Variants in NDST4 observed in about 807,000 individuals in gnomAD.
NDST4 encodes the protein N-heparan sulfate sulfotransferase 4.
In NDST4, 63 loss-of-function variants were observed where a neutral mutation model predicts 100.8. That is an observed-to-expected ratio of 0.62 (90% CI 0.51 to 0.77). The LOEUF (loss-of-function observed/expected upper bound fraction) is 0.77, where lower values mean the gene tolerates loss of function less well. Ranked by LOEUF, NDST4 falls within the 30% of genes least tolerant of loss-of-function variation. The probability of loss-of-function intolerance (pLI) is 0.00; values close to 1 mark genes in which losing one functional copy is unlikely to be tolerated. For synonymous variants in NDST4, 377 were observed against 361.8 expected (o/e 1.04, Z -0.48); for missense variants, 943 against 1,018.4 (o/e 0.93, Z 1.01).
At chr4:114,909,161 C>T (rs1725012108) in intron 6 of NDST4, among the ~76,000 whole-genome samples, 1 of 152,022 alleles carries the variant, frequency 6.6e-6, no homozygotes, top group South Asian at 2.1e-4. Flanking sequence ...AAATTATCTC[C>T]TCCTATTCTG....
At chr4:114,970,673 G>A in intron 3 of NDST4, 89 bp from the exon 4 acceptor site, 1 of 1,115,926 alleles carries the variant, frequency 9.0e-7, no homozygotes, top group South Asian at 1.6e-5. Flanking sequence ...AATTTTTCAT[G>A]CTGCTGATAC....
chr4:114,844,022 T>C (rs1347620700), intron 10 of NDST4, among the ~76,000 whole-genome samples: 1 of 151,310 alleles, frequency 6.6e-6, no homozygotes, highest in Non-Finnish European at 1.5e-5. Flanking sequence ...GATTCTTTTT[T>C]CATGGGAATG....
intron 2 of NDST4, among the ~76,000 whole-genome samples, chr4:115,019,677 C>A (rs1028584378): frequency 1.3e-5 from 2 of 152,094 alleles, no homozygotes; most frequent in African/African-American, 2.4e-5. Flanking sequence ...CCCTCAAAAA[C>A]CCATGTTGCA....
At chr4:114,833,105 G>A (rs985551091) in intron 12 of NDST4, among the ~76,000 whole-genome samples, 6 of 152,164 alleles carry the variant, frequency 3.9e-5, no homozygotes, top group Non-Finnish European at 7.3e-5. Flanking sequence ...AAGCCACTAG[G>A]CTTTGGGATG....
At chr4:115,078,797 G>A (rs1398923552) in intron 1 of NDST4, among the ~76,000 whole-genome samples, 1 of 151,840 alleles carries the variant, frequency 6.6e-6, no homozygotes, top group Non-Finnish European at 1.5e-5. Flanking sequence ...CTGAGATTGT[G>A]CCACTGCACT....
intron 2 of NDST4, among the ~76,000 whole-genome samples, chr4:114,990,230 A>G (rs910590754): frequency 2.0e-5 from 3 of 152,144 alleles, no homozygotes; most frequent in African/African-American, 4.8e-5. Flanking sequence ...CTAATTTTAC[A>G]TAAGGAATCT....
intron 4 of NDST4, among the ~76,000 whole-genome samples, chr4:114,940,583 C>T (rs575544039): frequency 1.3e-5 from 2 of 152,048 alleles, no homozygotes; most frequent in South Asian, 2.1e-4. Flanking sequence ...TTCTGGGCAC[C>T]GGCAGGAGTA....
At chr4:114,856,561 T>C (rs1405409787) in intron 7 of NDST4, among the ~76,000 whole-genome samples, 1 of 152,198 alleles carries the variant, frequency 6.6e-6, no homozygotes, top group Non-Finnish European at 1.5e-5. Context: ...ATCATAGACT[T>C]CTCAATATCA....
intron 6 of NDST4, among the ~76,000 whole-genome samples, chr4:114,895,796 T>A (rs1312048453): frequency 6.6e-6 from 1 of 151,988 alleles, no homozygotes; most frequent in Non-Finnish European, 1.5e-5. Context: ...ATTGTGCACA[T>A]GTACCCTAAA....
At chr4:114,944,180 G>T (rs915522368) in intron 4 of NDST4, among the ~76,000 whole-genome samples, 3 of 152,120 alleles carry the variant, frequency 2.0e-5, no homozygotes, top group African/African-American at 7.2e-5. Flanking sequence ...TGTTTCAAGG[G>T]GTTCTCTTGC....
intron 1 of NDST4, among the ~76,000 whole-genome samples, chr4:115,102,371 T>C (rs1729748183): frequency 6.6e-6 from 1 of 152,124 alleles, no homozygotes; most frequent in South Asian, 2.1e-4. Flanking sequence ...GAGAGAAAAA[T>C]GATTTTGCCT....
chr4:115,072,272 G>A (rs1284768979), intron 2 of NDST4, among the ~76,000 whole-genome samples: 3 of 151,930 alleles, frequency 2.0e-5, no homozygotes, highest in African/African-American at 4.8e-5. Context: ...GAATGTCTAT[G>A]ATATCCAAAA....
At chr4:115,033,860 T>A (rs1728175668) in intron 2 of NDST4, among the ~76,000 whole-genome samples, 1 of 152,148 alleles carries the variant, frequency 6.6e-6, no homozygotes, top group South Asian at 2.1e-4. Context: ...AAAAGATTAT[T>A]CTCAATATGC....
At chr4:115,001,962 G>A (rs1213833301) in intron 2 of NDST4, among the ~76,000 whole-genome samples, 1 of 151,996 alleles carries the variant, frequency 6.6e-6, no homozygotes, top group Non-Finnish European at 1.5e-5. Flanking sequence ...TGTCTGCTGG[G>A]GCATCTTATT....
At position 114,944,606 on chromosome 4, in the gene NDST4, G is replaced by A. The variant is rs185657980; in HGVS notation, c.1222-7103C>T. Reference sequence around the variant, plus strand: ...CTATGAAATCTGTCTTAGATCCTAGGAACACAGATTAACACTATGGTGAAA... The same window carrying A: ...CTATGAAATCTGTCTTAGATCCTAGAAACACAGATTAACACTATGGTGAAA... On this transcript the variant is annotated intron_variant, in intron 4 of 13. Transcript: ENST00000264363. Among the ~76,000 whole-genome samples the A allele has an allele frequency of 2.3e-3, 353 of 152,258 alleles. 1 individual carries two copies. Among genetic ancestry groups the A allele is most frequent in the African/African-American group, 8.1e-3 (337 of 41,540 alleles).
chr4:115,066,115 C>A (rs1329039348), intron 2 of NDST4, among the ~76,000 whole-genome samples: 1 of 152,116 alleles, frequency 6.6e-6, no homozygotes, highest in Non-Finnish European at 1.5e-5. Context: ...CCTTGTAATG[C>A]AGATAACTGT....
chr4:115,016,070 T>A (rs1466962112), intron 2 of NDST4, among the ~76,000 whole-genome samples: 1 of 152,062 alleles, frequency 6.6e-6, no homozygotes, highest in Non-Finnish European at 1.5e-5. Context: ...GAATGCCTTA[T>A]TTATAGTCAT....
At chr4:115,101,046 A>C (rs1467869684) in intron 1 of NDST4, among the ~76,000 whole-genome samples, 2 of 152,074 alleles carry the variant, frequency 1.3e-5, no homozygotes, top group Non-Finnish European at 2.9e-5. Context: ...TAGAGGAAAA[A>C]AAAATCACCC....
intron 2 of NDST4, among the ~76,000 whole-genome samples, chr4:115,030,737 T>C (rs1728097006): frequency 6.6e-6 from 1 of 152,040 alleles, no homozygotes; most frequent in Non-Finnish European, 1.5e-5. Context: ...GGCAGAGAGT[T>C]TGCCAAAGAC....
Sources: allele counts gnomAD v4.1 joint callset (sites outside exome capture counted in the v4.1 genomes callset), GRCh38; gene constraint gnomAD v4.1.1; transcripts MANE v1.5; gene names NCBI Gene and HGNC (gene_info 2026-07-23, HGNC 2026-07-21).